Variants in GOLGB1 observed in about 807,000 individuals in gnomAD.
GOLGB1 encodes golgin subfamily B member 1.
GOLGB1 carries 174 observed loss-of-function variants against 336.9 expected under a neutral mutation model. The ratio of observed to expected loss-of-function variants is 0.52; its 90% CI spans 0.46 to 0.59. The LOEUF is 0.59. Among genes scored for constraint, GOLGB1 ranks in the 20% least tolerant of loss-of-function variants. The pLI is 0.00. For synonymous variants in GOLGB1, 1,208 were observed against 1,289.2 expected, an observed-to-expected ratio of 0.94 and a Z score of 1.35; for missense variants, 3,331 against 3,645.3, an observed-to-expected ratio of 0.91 and a Z score of 2.22.
Position 121,729,220 on chromosome 3 carries a change from T to C in GOLGB1, c.370A>G (p.Thr124Ala). ...AGTTGCTCCTCTGACTGAGGTTCTGTAGGCAGAACAGTCCCTCCTTGTGCT... is the reference window on the plus strand; with the variant it reads ...AGTTGCTCCTCTGACTGAGGTTCTGCAGGCAGAACAGTCCCTCCTTGTGCT... ...MKAQGGTVLP[T>A]EPQSEEQLSK... Residue 124 changes from threonine (T) to alanine (A), a missense_variant, in exon 4 of 22, where the codon ACA (threonine) becomes GCA (alanine). Physicochemically the swap from Thr to Ala is moderately conservative, Grantham distance 58 (BLOSUM62 0). Transcript: ENST00000614479. 1.9e-6 allele frequency: 3 copies of C among 1,611,218 alleles called. No homozygotes were observed. The highest frequency in any genetic ancestry group is 1.3e-5 in the African/African-American group (1 of 74,880).
intron 10 of GOLGB1, among the ~76,000 whole-genome samples, chr3:121,707,829 A>G (rs962395734): frequency 1.4e-4 from 21 of 152,182 alleles, no homozygotes; most frequent in African/African-American, 5.1e-4. Flanking sequence ...GAGTACCTGC[A>G]ACAAAGACTG....
chr3:121,725,792 T>C (rs1945542282), intron 5 of GOLGB1, among the ~76,000 whole-genome samples: 1 of 151,926 alleles, frequency 6.6e-6, no homozygotes, highest in Non-Finnish European at 1.5e-5. Flanking sequence ...TGGGTTGTCA[T>C]AGAAGGGGAA....
intron 10 of GOLGB1, among the ~76,000 whole-genome samples, chr3:121,707,469 CAA>C (rs879818248): frequency 1.3e-4 from 17 of 128,324 alleles, no homozygotes; most frequent in East Asian, 2.3e-4. Context: ...CTACTAAAAG[CAA>C]AAAAAAAAAA....
At chr3:121,745,131 A>T (rs951212105) in intron 1 of GOLGB1, among the ~76,000 whole-genome samples, 2 of 152,164 alleles carry the variant, frequency 1.3e-5, no homozygotes, top group African/African-American at 4.8e-5. Flanking sequence ...GAAAGCCAGT[A>T]AGTAGCCATG....
In GOLGB1 at chr3:121,717,096, G is replaced by A. The variant is rs1167785297; in HGVS notation, c.929C>T (p.Thr310Ile). 6 of 1,612,826 alleles carry A rather than the reference G, an allele frequency of 3.7e-6. No homozygotes were observed. The South Asian group carries it at 6.6e-5, about 18-fold the overall frequency. ...QLQQMEAEHNTLRNTVETERE... is the reference protein window; with the variant it reads ...QLQQMEAEHNILRNTVETERE... ...TTCTGTTTCCACAGTGTTCCTCAAA[G>A]TATTATGCTCAGCTTCCATCTGCTG... Residue 310 changes from threonine to isoleucine, a missense_variant, in exon 9 of 22, where the codon ACT (threonine) becomes ATT (isoleucine). Thr to Ile is a moderately conservative substitution (Grantham distance 89). Coordinates refer to ENST00000614479, the MANE Select transcript of GOLGB1 (RefSeq NM_001366282.2).
chr3:121,721,656 G>A (rs951476458), intron 6 of GOLGB1, among the ~76,000 whole-genome samples: 8 of 152,040 alleles, frequency 5.3e-5, no homozygotes, highest in East Asian at 1.9e-4. Flanking sequence ...GTGGGAGTGC[G>A]TGGCCAACCA....
chr3:121,730,472 T>A (rs992425271), intron 2 of GOLGB1, among the ~76,000 whole-genome samples: 11 of 151,794 alleles, frequency 7.2e-5, no homozygotes, highest in African/African-American at 2.7e-4. Flanking sequence ...GAAAATACAA[T>A]ACAAACTATA....
chr3:121,688,352 G>T (rs1223820922), intron 14 of GOLGB1, among the ~76,000 whole-genome samples: 2 of 152,242 alleles, frequency 1.3e-5, no homozygotes, highest in Non-Finnish European at 2.9e-5. Flanking sequence ...CGCCTGACTG[G>T]TTTTCGTATT....
At position 121,677,289 on chromosome 3, in the gene GOLGB1, C is replaced by T; in HGVS notation, c.9035G>A (p.Arg3012Lys). Residue 3012 changes from arginine to lysine, a missense_variant, in exon 16 of 22, where the codon AGA (arginine) becomes AAA (lysine). Coordinates refer to ENST00000614479, the MANE Select transcript of GOLGB1 (RefSeq NM_001366282.2). ...ATCAGCATTGAAATTACTCACCTGT[C>T]TTTGGTATTGCACTTTGAGAGGCTG... ...QTQPLKVQYQ[R>K]QASPETSASP... The T allele has an allele frequency of 6.2e-7, 1 of 1,604,386 alleles. No homozygotes were observed. The highest frequency in any genetic ancestry group is 8.5e-7 in the Non-Finnish European group (1 of 1,172,710).
At chr3:121,744,618 C>CAAAAAAA (rs200070177) in intron 1 of GOLGB1, among the ~76,000 whole-genome samples, 1 of 59,962 alleles carries the variant, frequency 1.7e-5, no homozygotes, top group Non-Finnish European at 3.5e-5. Context: ...GACCTTGTCT[C>CAAAAAAA]AAAAAAAAAA....
chr3:121,739,659 G>T (rs1055867922), intron 1 of GOLGB1, among the ~76,000 whole-genome samples: 20 of 151,078 alleles, frequency 1.3e-4, no homozygotes, highest in Admixed American at 9.2e-4. Flanking sequence ...AAAAAGAAAT[G>T]ACCTAAAAAA....
At chr3:121,667,110 A>T (rs1300836445) in intron 20 of GOLGB1, among the ~76,000 whole-genome samples, 1 of 152,192 alleles carries the variant, frequency 6.6e-6, no homozygotes, top group Non-Finnish European at 1.5e-5. Flanking sequence ...TCAATCTTTT[A>T]ATCTTTTAAA....
chr3:121,718,406 A>G lies in GOLGB1; in HGVS notation c.867T>C (p.Ala289=), dbSNP rs763778823. ...VVDLLQQELT[A]AEQRNQILSQ... ...GCAGTACCTGGTTTCTCTGCTCAGC[A>G]GCAGTCAGCTCCTGTTGCAGCAAGT... Residue 289 remains alanine (A), a synonymous_variant, in exon 8 of 22, where the codon GCT becomes GCC. Coordinates refer to ENST00000614479, the MANE Select transcript of GOLGB1 (RefSeq NM_001366282.2). The G allele has an allele frequency of 1.2e-6, 2 of 1,610,834 alleles. No individual in the cohort carries two copies. Among genetic ancestry groups the G allele is most frequent in the East Asian group, 2.2e-5 (1 of 44,870 alleles).
rs114926530 is a variant in GOLGB1, at chr3:121,691,589, C to T, written c.7775G>A (p.Arg2592Gln). The T allele has an allele frequency of 4.4e-4, 718 of 1,613,770 alleles. 1 individual carries two copies. The highest frequency in any genetic ancestry group is 1.2e-3 in the Middle Eastern group (7 of 6,062). ...KESEEANEDL[R>Q]RSFNALQEEK... ...TTCTTGTAGGGCATTAAAGGACCTC[C>T]GCAGATCCTCATTTGCTTCCTCAGA... The change falls in exon 14 of 22, where the codon CGG becomes CAG. Residue 2592 changes from arginine (R) to glutamine (Q), a missense_variant. Arg to Gln is a conservative substitution (Grantham distance 43, BLOSUM62 1). Transcript: ENST00000614479.
Position 121,716,819 on chromosome 3 carries a change from A to C in GOLGB1, c.1206T>G (p.Ala402=), listed in dbSNP as rs1336878863. The C allele has an allele frequency of 6.2e-7, 1 of 1,613,202 alleles. No homozygotes were observed. The highest frequency in any genetic ancestry group is 1.3e-5 in the African/African-American group (1 of 75,024). The part of the protein sequence containing the change: ...TGQELQSACD[A]LKDQNSKLLQ... ...GAAGCTTTGAATTTTGATCCTTTAG[A>C]GCATCACAGGCAGACTGCAGCTCTT... The change falls in exon 9 of 22, where the codon GCT becomes GCG. Residue 402 remains alanine (A), a synonymous_variant. Coordinates refer to ENST00000614479, the MANE Select transcript of GOLGB1 (RefSeq NM_001366282.2).
intron 1 of GOLGB1, among the ~76,000 whole-genome samples, chr3:121,744,731 A>G (rs951158326): frequency 6.6e-6 from 1 of 152,156 alleles, no homozygotes; most frequent in Non-Finnish European, 1.5e-5. Flanking sequence ...ACATTTTAAG[A>G]AAGGAAAGAC....
At chr3:121,730,367 G>T (rs1168108664) in intron 2 of GOLGB1, among the ~76,000 whole-genome samples, 3 of 151,984 alleles carry the variant, frequency 2.0e-5, no homozygotes, top group Non-Finnish European at 4.4e-5. Context: ...ATTACTTCTT[G>T]TCTTTTCAGA....
chr3:121,712,684 G>C (rs1944443233), intron 10 of GOLGB1, among the ~76,000 whole-genome samples: 3 of 152,148 alleles, frequency 2.0e-5, no homozygotes, highest in African/African-American at 7.2e-5. Flanking sequence ...GTGTACATAT[G>C]GCTAAGAATC....
chr3:121,694,116 T>C lies in GOLGB1; in HGVS notation c.6407A>G (p.Glu2136Gly). 1 of 1,614,020 alleles carries C rather than the reference T, an allele frequency of 6.2e-7. No individual in the cohort carries two copies. Among genetic ancestry groups the C allele is most frequent in the Non-Finnish European group, 8.5e-7 (1 of 1,180,036 alleles). Reference sequence around the variant, plus strand: ...CTTCTTCTCTTTCAGGTGCTTCTCTTCTGCCTGTTCCAGTCTTCGCTCAAG... The same window carrying C: ...CTTCTTCTCTTTCAGGTGCTTCTCTCCTGCCTGTTCCAGTCTTCGCTCAAG... ...EDLERRLEQAEEKHLKEKKNM... is the reference protein window; with the variant it reads ...EDLERRLEQAGEKHLKEKKNM... The change falls in exon 13 of 22, where the codon GAA becomes GGA. Residue 2136 changes from glutamate (E) to glycine (G), a missense_variant. Physicochemically the swap from Glu to Gly is moderately conservative, Grantham distance 98. Transcript: ENST00000614479.
Sources: allele counts gnomAD v4.1 joint callset (sites outside exome capture counted in the v4.1 genomes callset), GRCh38; gene constraint gnomAD v4.1.1; transcripts MANE v1.5; gene names NCBI Gene and HGNC (gene_info 2026-07-23, HGNC 2026-07-21).